Variants in PPP3CA observed in about 807,000 individuals in gnomAD.
PPP3CA encodes the protein protein phosphatase 3 catalytic subunit alpha, also known as CAM-PRP catalytic subunit.
Under a neutral mutation model 66.5 loss-of-function variants are expected in PPP3CA, and 14 were observed. The ratio of observed to expected loss-of-function variants is 0.21; its 90% CI spans 0.14 to 0.33. PPP3CA has a LOEUF of 0.33. PPP3CA is among the 10% of genes least tolerant of loss of function. The probability of loss-of-function intolerance (pLI) is 1.00; values close to 1 mark genes in which losing one functional copy is unlikely to be tolerated. For missense variants in PPP3CA, 317 were observed against 639.5 expected (o/e 0.50, Z 5.44); for synonymous variants, 232 against 226.2 (o/e 1.03, Z -0.23).
intron 2 of PPP3CA, among the ~76,000 whole-genome samples, chr4:101,147,154 C>T (rs1722996867): frequency 6.6e-6 from 1 of 152,068 alleles, no homozygotes; most frequent in South Asian, 2.1e-4. Context: ...CTAGGCTATT[C>T]CCATTAGACT....
chr4:101,091,168 T>C (rs867746648), intron 6 of PPP3CA, among the ~76,000 whole-genome samples: 10 of 151,380 alleles, frequency 6.6e-5, no homozygotes, highest in African/African-American at 9.8e-5. Flanking sequence ...TTTTGTTTGA[T>C]ATTATGTTAC....
chr4:101,032,307 G>C lies in PPP3CA; in HGVS notation c.1299C>G (p.Pro433=), dbSNP rs1727003658. The change falls in exon 12 of 14, where the codon CCC becomes CCG. Residue 433 remains proline (P), a synonymous_variant. Coordinates refer to ENST00000394854, the MANE Select transcript of PPP3CA (RefSeq NM_000944.5). ...GCTTCCCTCCAGAAAGTACTCCGCT[G>C]GGGAGCATGCCAGTTGGGGTCAAGC... ...LKGLTPTGML[P]SGVLSGGKQT... 1 of 1,611,664 alleles carries C rather than the reference G, an allele frequency of 6.2e-7. No individual in the cohort carries two copies. The highest frequency in any genetic ancestry group is 1.7e-5 in the Admixed American group (1 of 59,804).
chr4:101,214,426 G>A (rs1436357765), intron 1 of PPP3CA, among the ~76,000 whole-genome samples: 1 of 152,056 alleles, frequency 6.6e-6, no homozygotes, highest in Non-Finnish European at 1.5e-5. Context: ...ATCATTATGA[G>A]ACTTCATAAA....
chr4:101,225,103 T>A (rs1725739401), intron 1 of PPP3CA, among the ~76,000 whole-genome samples: 1 of 151,726 alleles, frequency 6.6e-6, no homozygotes, highest in Admixed American at 6.6e-5. Flanking sequence ...CCTACAAAAG[T>A]TACTGTTCTG....
intron 2 of PPP3CA, among the ~76,000 whole-genome samples, chr4:101,112,922 C>T (rs940155723): frequency 2.4e-4 from 36 of 152,220 alleles, no homozygotes; most frequent in African/African-American, 7.9e-4. Context: ...AGGAGGCACA[C>T]AAGAAACACC....
chr4:101,160,662 CACT>C (rs1723475486), intron 2 of PPP3CA, among the ~76,000 whole-genome samples: 1 of 152,024 alleles, frequency 6.6e-6, no homozygotes, highest in Admixed American at 6.6e-5. Flanking sequence ...AACACCCTTA[CACT>C]ACTCTAAAAG....
At chr4:101,159,798 T>G (rs576568492) in intron 2 of PPP3CA, among the ~76,000 whole-genome samples, 5 of 152,254 alleles carry the variant, frequency 3.3e-5, no homozygotes, top group Admixed American at 1.3e-4. Context: ...CATTTATGGA[T>G]GTAGGGCTGA....
intron 2 of PPP3CA, 51 bp downstream of exon 2, chr4:101,195,865 T>G: frequency 6.6e-7 from 1 of 1,523,678 alleles, no homozygotes; most frequent in Non-Finnish European, 9.0e-7. Context: ...TTTCATGCTA[T>G]AAACAACAAA....
At chr4:101,058,901 C>T (rs1211967180) in intron 10 of PPP3CA, among the ~76,000 whole-genome samples, 3 of 152,046 alleles carry the variant, frequency 2.0e-5, no homozygotes, top group South Asian at 2.1e-4. Context: ...AAATTACAAA[C>T]ATATGTAGGT....
chr4:101,255,159 T>C (rs922114131), intron 1 of PPP3CA, among the ~76,000 whole-genome samples: 17 of 151,700 alleles, frequency 1.1e-4, no homozygotes, highest in Non-Finnish European at 1.0e-4. Flanking sequence ...GATTTAAAAA[T>C]CACTGAAATG....
chr4:101,277,829 C>A (rs779990355), intron 1 of PPP3CA, among the ~76,000 whole-genome samples: 14 of 152,062 alleles, frequency 9.2e-5, no homozygotes, highest in Non-Finnish European at 1.0e-4. Context: ...TAAGAGTGTT[C>A]AGGATTCTGT....
intron 10 of PPP3CA, among the ~76,000 whole-genome samples, chr4:101,051,287 C>CTTA (rs1286395311): frequency 2.6e-5 from 4 of 152,114 alleles, no homozygotes; most frequent in African/African-American, 9.6e-5. Flanking sequence ...ATTTATTGAA[C>CTTA]TTTTAAGTAC....
chr4:101,279,777 GAGA>G (rs1727622526), intron 1 of PPP3CA, among the ~76,000 whole-genome samples: 2 of 152,180 alleles, frequency 1.3e-5, no homozygotes, highest in African/African-American at 2.4e-5. Flanking sequence ...GAAGAGCCAA[GAGA>G]AGTTCAGAGA....
chr4:101,074,881 T>C (rs575353583), intron 8 of PPP3CA, among the ~76,000 whole-genome samples: 176 of 152,316 alleles, frequency 1.2e-3, no homozygotes, highest in African/African-American at 3.9e-3. Flanking sequence ...ACGCTGCTAA[T>C]AAAGACATAC....
intron 2 of PPP3CA, among the ~76,000 whole-genome samples, chr4:101,169,807 CA>C (rs1171300970): frequency 2.0e-5 from 3 of 151,524 alleles, no homozygotes; most frequent in African/African-American, 7.3e-5. Flanking sequence ...GAAGAGGCTT[CA>C]AAAAATGCTG....
At chr4:101,305,734 A>G (rs1459796603) in intron 1 of PPP3CA, among the ~76,000 whole-genome samples, 1 of 152,204 alleles carries the variant, frequency 6.6e-6, no homozygotes, top group Admixed American at 6.5e-5. Context: ...CATTTGTCAC[A>G]ATCTTCCTAT....
intron 2 of PPP3CA, among the ~76,000 whole-genome samples, chr4:101,179,678 T>C (rs1164881073): frequency 6.6e-6 from 1 of 152,194 alleles, no homozygotes; most frequent in Non-Finnish European, 1.5e-5. Flanking sequence ...TGAATGAATA[T>C]GCTTCGTGCA....
chr4:101,287,754 C>A (rs943238139), intron 1 of PPP3CA, among the ~76,000 whole-genome samples: 11 of 140,392 alleles, frequency 7.8e-5, no homozygotes, highest in African/African-American at 2.7e-4. Context: ...AGCTAGTGTT[C>A]TATTAACCTC....
chr4:101,055,549 T>C (rs1015650743), intron 10 of PPP3CA, among the ~76,000 whole-genome samples: 1 of 152,168 alleles, frequency 6.6e-6, no homozygotes, highest in African/African-American at 2.4e-5. Context: ...ATTTTCAACA[T>C]AGAAGACCAG....
Sources: gnomAD v4.1 joint callset for allele counts (sites outside exome capture counted in the v4.1 genomes callset) on GRCh38, gnomAD v4.1.1 for gene constraint, MANE v1.5 for transcripts, NCBI Gene and HGNC (gene_info 2026-07-23, HGNC 2026-07-21) for gene names.